The following TRAPPC9 variants were observed in gnomAD, a reference collection of about 807,000 sequenced individuals.
TRAPPC9 encodes trafficking protein particle complex subunit 9, also known as IKK2 binding protein.
A neutral mutation model predicts 124.0 loss-of-function variants in TRAPPC9; 83 were observed. That is an observed-to-expected ratio of 0.67 (90% CI 0.56 to 0.80). The LOEUF (loss-of-function observed/expected upper bound fraction) is 0.80, where lower values mean the gene tolerates loss of function less well. Ranked by LOEUF, TRAPPC9 falls within the 30% of genes least tolerant of loss-of-function variation. The pLI is 0.00. For synonymous variants in TRAPPC9, 638 were observed against 617.5 expected (o/e 1.03, Z -0.49); for missense variants, 1,302 against 1,508.3 (o/e 0.86, Z 2.27).
intron 17 of TRAPPC9, among the ~76,000 whole-genome samples, chr8:140,132,153 G>T (rs2061219429): frequency 6.6e-6 from 1 of 152,184 alleles, no homozygotes; most frequent in Non-Finnish European, 1.5e-5. Flanking sequence ...CTAAATAGGG[G>T]TAGTGACTGA....
intron 17 of TRAPPC9, among the ~76,000 whole-genome samples, chr8:140,127,783 T>C (rs946247765): frequency 3.9e-5 from 6 of 152,238 alleles, no homozygotes; most frequent in African/African-American, 1.4e-4. Context: ...GAAACTAGCA[T>C]GAGACTAAAA....
intron 11 of TRAPPC9, among the ~76,000 whole-genome samples, chr8:140,294,487 A>G (rs76811575): frequency 3.2e-4 from 49 of 152,308 alleles, no homozygotes; most frequent in African/African-American, 6.5e-4. Flanking sequence ...TGATGATGAT[A>G]ATAAGCCATT....
intron 20 of TRAPPC9, among the ~76,000 whole-genome samples, chr8:139,894,971 G>A (rs564327402): frequency 6.6e-6 from 1 of 152,330 alleles, no homozygotes. Flanking sequence ...CTACGACAAG[G>A]GCTGTGCCTG....
rs565495144 is a variant in TRAPPC9 at position 140,223,353 on chromosome 8, C to T, written c.2432-1770G>A. On this transcript the variant is annotated intron_variant, in intron 16 of 22. Coordinates refer to ENST00000438773, the MANE Select transcript of TRAPPC9 (RefSeq NM_001160372.4). ...AAAGAACAGCAATAAACAACCTGCT[C>T]GCAGTCATACTGGCAGTCATTGATC... is the stretch of plus-strand genomic sequence containing the variant. Among the ~76,000 whole-genome samples the T allele has an allele frequency of 5.9e-5, 9 of 152,258 alleles. No homozygotes were observed. In the East Asian group the frequency reaches 1.3e-3, roughly 23 times the overall value.
intron 17 of TRAPPC9, among the ~76,000 whole-genome samples, chr8:140,219,109 G>A (rs1166459600): frequency 2.6e-5 from 4 of 152,156 alleles, no homozygotes; most frequent in Non-Finnish European, 2.9e-5. Context: ...GTGAATGAAA[G>A]AGCACAGAAG....
chr8:140,417,789 T>C (rs1389724384), intron 5 of TRAPPC9, among the ~76,000 whole-genome samples: 1 of 152,176 alleles, frequency 6.6e-6, no homozygotes, highest in African/African-American at 2.4e-5. Context: ...CTGTTCACAA[T>C]AGCAAAGACT....
At position 139,988,648 on chromosome 8, in the gene TRAPPC9, T is replaced by C. The variant is rs185195728; in HGVS notation, c.2810+78A>G. The stretch of plus-strand genomic sequence containing the variant: ...CATCCTCTGAGGACTTGGGGTGGAT[T>C]ATCTCCACACCCTCCCAAGCAGCGT... On this transcript the variant is annotated intron_variant, in intron 19 of 22. Transcript: ENST00000438773. 12 of 973,932 alleles carry C rather than the reference T, an allele frequency of 1.2e-5. No individual in the cohort carries two copies. In the East Asian group the frequency reaches 3.1e-4, roughly 25 times the overall value. The allele number at this position is 973,932 out of a possible 1,614,324, so 60.3% of individuals were successfully genotyped here. A position where few individuals can be genotyped will look rare whatever the true frequency, so the allele number is the denominator to read the frequency against.
chr8:140,084,164 C>T (rs998422060), intron 17 of TRAPPC9, among the ~76,000 whole-genome samples: 1 of 152,116 alleles, frequency 6.6e-6, no homozygotes, highest in African/African-American at 2.4e-5. Flanking sequence ...GGAATAACAA[C>T]ATACAATGAT....
chr8:139,762,210 G>A (rs138274987), intron 21 of TRAPPC9, among the ~76,000 whole-genome samples: 17 of 151,990 alleles, frequency 1.1e-4, no homozygotes, highest in Admixed American at 2.0e-4. Context: ...TACCTCTAAC[G>A]CAAGCAGAGC....
chr8:139,735,873 G>T (rs974044455), intron 21 of TRAPPC9, among the ~76,000 whole-genome samples: 7 of 152,124 alleles, frequency 4.6e-5, no homozygotes, highest in African/African-American at 1.7e-4. Context: ...ACCTTTCTTT[G>T]CTACTTTCTA....
intron 17 of TRAPPC9, among the ~76,000 whole-genome samples, chr8:140,102,458 A>T (rs540409015): frequency 4.6e-5 from 7 of 151,594 alleles, no homozygotes; most frequent in Non-Finnish European, 1.0e-4. Context: ...TAAATAAAAT[A>T]CCAGCCTCCC....
At chr8:140,090,954 G>C (rs956541897) in intron 17 of TRAPPC9, among the ~76,000 whole-genome samples, 3 of 152,204 alleles carry the variant, frequency 2.0e-5, no homozygotes, top group Non-Finnish European at 4.4e-5. Flanking sequence ...CCAGAGACTC[G>C]AGCGCTCCCA....
chr8:140,088,883 A>C (rs929330406), intron 17 of TRAPPC9, among the ~76,000 whole-genome samples: 1 of 152,176 alleles, frequency 6.6e-6, no homozygotes, highest in Middle Eastern at 3.2e-3. Context: ...CTTTTAGGGG[A>C]AATAACTTCT....
chr8:139,731,261 G>A (rs779860441), intron 22 of TRAPPC9, 33 bp from the exon 23 acceptor site: 1 of 1,610,316 alleles, frequency 6.2e-7, no homozygotes, highest in Non-Finnish European at 8.5e-7. Context: ...CATCAGTCTG[G>A]TCAGCAGCAG....
chr8:139,874,542 C>A, intron 21 of TRAPPC9, among the ~76,000 whole-genome samples: 1 of 152,214 alleles, frequency 6.6e-6, no homozygotes, highest in Non-Finnish European at 1.5e-5. Context: ...GGCAGGCTGC[C>A]TACAAGAACC....
At chr8:139,994,312 T>C (rs2614749) in intron 18 of TRAPPC9, among the ~76,000 whole-genome samples, 122,037 of 152,094 alleles carry the variant, frequency 0.8, 49,633 homozygotes, top group East Asian at 0.93. Context: ...GCCGAGAGGA[T>C]TGCGCTTCAC....
intron 11 of TRAPPC9, among the ~76,000 whole-genome samples, chr8:140,295,539 G>T (rs751707900): frequency 6.6e-6 from 1 of 152,170 alleles, no homozygotes; most frequent in Non-Finnish European, 1.5e-5. Flanking sequence ...ATGACAGAAG[G>T]CCTTCAACCC....
intron 11 of TRAPPC9, among the ~76,000 whole-genome samples, chr8:140,299,708 T>C (rs113182232): frequency 0.033 from 5,080 of 152,252 alleles, 283 homozygotes; most frequent in African/African-American, 0.11. Context: ...AGCTTGGCAC[T>C]ACAGCCGGGC....
Position 140,097,109 on chromosome 8 carries a change from A to T in TRAPPC9, c.2557-73030T>A, listed in dbSNP as rs1467732066. ...GGAGCTGTGTTGCAGTCAGAAGGGG[A>T]GGGACCTCCTCTACCCGGCTCCAGG... On this transcript the variant is annotated intron_variant, in intron 17 of 22. Coordinates refer to ENST00000438773, the MANE Select transcript of TRAPPC9 (RefSeq NM_001160372.4). This position sits in a 1 kb window ranked among gnomAD's most constrained non-coding sequence, Gnocchi z 4.2. The T allele has an allele frequency of 6.6e-6, 1 of 152,326 alleles. No individual in the cohort carries two copies. Among genetic ancestry groups the T allele is most frequent in the Non-Finnish European group, 1.5e-5 (1 of 68,132 alleles). The allele number at this position is 152,326 out of a possible 1,614,324, so 9.4% of individuals were successfully genotyped here.
Sources: gnomAD v4.1 joint callset for allele counts (sites outside exome capture counted in the v4.1 genomes callset) on GRCh38, gnomAD v4.1.1 for gene constraint, Gnocchi (gnomAD v3.1) non-coding constraint, MANE v1.5 for transcripts, NCBI Gene and HGNC (gene_info 2026-07-23, HGNC 2026-07-21) for gene names.